Variants in PPM1A observed in about 807,000 individuals in gnomAD.
PPM1A encodes protein phosphatase 1A.
In PPM1A, 7 loss-of-function variants were observed where a neutral mutation model predicts 35.0. The observed-to-expected ratio is 0.20, with a 90% CI of 0.11 to 0.38. The LOEUF (loss-of-function observed/expected upper bound fraction) is 0.38. Ranked by LOEUF, PPM1A falls within the 10% of genes least tolerant of loss-of-function variation. The pLI is 1.00. For synonymous variants in PPM1A, 153 were observed against 167.3 expected (o/e 0.91, Z 0.66); for missense variants, 239 against 467.8 (o/e 0.51, Z 4.51).
chr14:60,270,756 T>C (rs1884986484), intron 1 of PPM1A, among the ~76,000 whole-genome samples: 1 of 152,238 alleles, frequency 6.6e-6, no homozygotes. Flanking sequence ...ATTTCATTAT[T>C]TTTGAGAGAA....
rs1319088910 is a variant in PPM1A, at chr14:60,282,362, A to T, written c.-20-322A>T. On this transcript the variant is annotated intron_variant, in intron 1 of 5. Transcript: ENST00000395076. The surrounding 1 kb of genome is among the most constrained non-coding windows in gnomAD (Gnocchi z 5.1). ...ATACATACAACTTAGTCCTGAGCTT[A>T]CACATGTTCATTGTATCATTAAACA... is the stretch of plus-strand genomic sequence containing the variant. 6.6e-6 allele frequency among the ~76,000 whole-genome samples: 1 copy of T among 152,246 alleles called. No individual in the cohort carries two copies. The highest frequency in any genetic ancestry group is 2.4e-5 in the African/African-American group (1 of 41,470).
chr14:60,255,490 A>T (rs1398404526), intron 1 of PPM1A, among the ~76,000 whole-genome samples: 1 of 152,204 alleles, frequency 6.6e-6, no homozygotes, highest in Non-Finnish European at 1.5e-5. Context: ...TTTTACCTTT[A>T]GATATTTGTG....
chr14:60,277,070 T>C (rs1885852808), intron 1 of PPM1A: 6 of 1,196,304 alleles, frequency 5.0e-6, no homozygotes, highest in Non-Finnish European at 6.4e-6. Context: ...CAGCTTGTAC[T>C]CAAGAACAGA....
chr14:60,254,704 T>C (rs1882844610), intron 1 of PPM1A, among the ~76,000 whole-genome samples: 2 of 152,212 alleles, frequency 1.3e-5, no homozygotes, highest in African/African-American at 4.8e-5. Context: ...AACCAAGATA[T>C]TAGCATTCCA....
In PPM1A at chr14:60,292,489, T is replaced by A. The variant is rs1341123938; in HGVS notation, c.*7T>A. 6.3e-7 allele frequency: 1 copy of A among 1,596,518 alleles called. No individual in the cohort carries two copies. The highest frequency in any genetic ancestry group is 8.6e-7 in the Non-Finnish European group (1 of 1,165,078). On this transcript the variant is annotated 3_prime_UTR_variant, in exon 6 of 6. Coordinates refer to ENST00000395076, the MANE Select transcript of PPM1A (RefSeq NM_021003.5). The surrounding 1 kb of genome is among the most constrained non-coding windows in gnomAD (Gnocchi z 4.2). ...AACAGATGATATGTGGTAAAACTGCTCATCTAGCCATGGAGTTTACCTTCA... is the reference window on the plus strand; with the variant it reads ...AACAGATGATATGTGGTAAAACTGCACATCTAGCCATGGAGTTTACCTTCA...
chr14:60,289,681 T>A lies in PPM1A; in HGVS notation c.953-125T>A. The A allele has an allele frequency of 1.7e-6, 1 of 594,498 alleles. No homozygotes were observed. Among genetic ancestry groups the A allele is most frequent in the Non-Finnish European group, 2.9e-6 (1 of 340,918 alleles). The allele number at this position is 594,498 out of a possible 1,614,324, so 36.8% of individuals were successfully genotyped here. A position where few individuals can be genotyped will look rare whatever the true frequency, so the allele number is the denominator to read the frequency against. On this transcript the variant is annotated intron_variant, in intron 3 of 5. Transcript: ENST00000395076. This position sits in a 1 kb window ranked among gnomAD's most constrained non-coding sequence, Gnocchi z 4.1. ...CCTGATTTTTTTTTTTTTTAAATGA[T>A]ACCAGATTAGAAAAATCTCAGATGT... is the stretch of plus-strand genomic sequence containing the variant.
intron 1 of PPM1A, among the ~76,000 whole-genome samples, chr14:60,252,681 A>T (rs1445991759): frequency 2.6e-5 from 4 of 152,236 alleles, no homozygotes; most frequent in Admixed American, 6.5e-5. Flanking sequence ...TATATAAATT[A>T]ACTGACCTGG....
intron 1 of PPM1A, among the ~76,000 whole-genome samples, chr14:60,252,802 T>C (rs1279015273): frequency 1.3e-5 from 2 of 152,218 alleles, no homozygotes; most frequent in African/African-American, 4.8e-5. Context: ...GTTCTCCATA[T>C]TACGTAACAA....
chr14:60,255,123 A>G (rs926897210), intron 1 of PPM1A, among the ~76,000 whole-genome samples: 1 of 148,054 alleles, frequency 6.8e-6, no homozygotes, highest in Non-Finnish European at 1.5e-5. Flanking sequence ...CTTTCTCTGT[A>G]CTTAAAGCAA....
intron 1 of PPM1A, among the ~76,000 whole-genome samples, chr14:60,253,372 T>TA (rs1430440205): frequency 2.9e-4 from 44 of 152,296 alleles, no homozygotes; most frequent in African/African-American, 9.1e-4. Flanking sequence ...CCCTCTAAAA[T>TA]ATGTGATGTT....
Position 60,273,122 on chromosome 14 carries a change from C to T in PPM1A, c.-20-9562C>T, listed in dbSNP as rs1017444089. Among the ~76,000 whole-genome samples, 2 of 152,022 alleles carry T rather than the reference C, an allele frequency of 1.3e-5. No homozygotes were observed. Among genetic ancestry groups the T allele is most frequent in the African/African-American group, 2.4e-5 (1 of 41,376 alleles). ...GTCTTGTTTTTTATATGCATATTTA[C>T]TTTTTGGGTGCACTCTCCTTGTTAA... On this transcript the variant is annotated intron_variant, in intron 1 of 5. Coordinates refer to ENST00000395076, the MANE Select transcript of PPM1A (RefSeq NM_021003.5). This position sits in a 1 kb window ranked among gnomAD's most constrained non-coding sequence, Gnocchi z 4.3.
chr14:60,251,749 A>G (rs770080636), intron 1 of PPM1A, among the ~76,000 whole-genome samples: 12 of 152,146 alleles, frequency 7.9e-5, no homozygotes, highest in Non-Finnish European at 1.2e-4. Context: ...AACAAATTCT[A>G]AGTTGGTGAT....
chr14:60,251,614 T>A lies in PPM1A; in HGVS notation c.-21+1937T>A, dbSNP rs530015306. Reference sequence around the variant, plus strand: ...ACTGTCCAGTTACTACATTTAAAAATTTTTTTTTATCAATATTGTGTGTCT... The same window carrying A: ...ACTGTCCAGTTACTACATTTAAAAAATTTTTTTTATCAATATTGTGTGTCT... On this transcript the variant is annotated intron_variant, in intron 1 of 5. Coordinates refer to ENST00000395076, the MANE Select transcript of PPM1A (RefSeq NM_021003.5). Among the ~76,000 whole-genome samples, 5 of 151,422 alleles carry A rather than the reference T, an allele frequency of 3.3e-5. 1 individual carries two copies. The highest frequency in any genetic ancestry group is 4.9e-5 in the African/African-American group (2 of 40,848).
chr14:60,245,915 AAAG>A (rs758257280), upstream of PPM1A: 19 of 1,586,896 alleles, frequency 1.2e-5, no homozygotes, highest in African/African-American at 1.9e-4. This position sits in a 1 kb window ranked among gnomAD's most constrained non-coding sequence, Gnocchi z 4.2. Context: ...AAAAGAGAGA[AAAG>A]AAGAATGGGG....
intron 1 of PPM1A, among the ~76,000 whole-genome samples, chr14:60,276,673 T>G (rs1490109348): frequency 6.6e-6 from 1 of 152,218 alleles, no homozygotes; most frequent in Non-Finnish European, 1.5e-5. Flanking sequence ...TACTCAACTT[T>G]TTAAGGTTTC....
At chr14:60,281,041 A>G (rs148555150) in intron 1 of PPM1A, among the ~76,000 whole-genome samples, 105 of 152,280 alleles carry the variant, frequency 6.9e-4, no homozygotes, top group Admixed American at 1.2e-3. Flanking sequence ...TAATATTATT[A>G]TCTACCTTAG....
At chr14:60,291,528 G>A in intron 5 of PPM1A, 74 bp downstream of exon 5, 1 of 1,274,738 alleles carries the variant, frequency 7.8e-7, no homozygotes, top group Non-Finnish European at 1.1e-6. Context: ...ACCTGTTTTT[G>A]CAGAGCTGTT....
chr14:60,251,918 G>A (rs1181636963), intron 1 of PPM1A, among the ~76,000 whole-genome samples: 1 of 151,304 alleles, frequency 6.6e-6, no homozygotes, highest in Non-Finnish European at 1.5e-5. Flanking sequence ...AGGACCCTTG[G>A]TAGTCTGATG....
intron 1 of PPM1A, among the ~76,000 whole-genome samples, chr14:60,263,150 G>A (rs900746558): frequency 3.9e-5 from 6 of 152,090 alleles, no homozygotes; most frequent in African/African-American, 1.2e-4. Flanking sequence ...CCTGGGAGGT[G>A]GAGGTTGCAG....
Sources: allele counts gnomAD v4.1 joint callset (sites outside exome capture counted in the v4.1 genomes callset), GRCh38; gene constraint gnomAD v4.1.1; non-coding constraint Gnocchi (gnomAD v3.1); transcripts MANE v1.5; gene names NCBI Gene and HGNC (gene_info 2026-07-23, HGNC 2026-07-21).